The following SEMA5A variants were observed in gnomAD, a reference collection of about 807,000 sequenced individuals.
SEMA5A encodes semaphorin 5A.
In SEMA5A, 55 loss-of-function variants were observed where a neutral mutation model predicts 135.5. The observed-to-expected ratio is 0.41, with a 90% CI of 0.33 to 0.51. SEMA5A has a LOEUF of 0.51. SEMA5A is among the 20% of genes least tolerant of loss of function. SEMA5A has a pLI of 0.37. For missense variants in SEMA5A, 1,290 were observed against 1,419.9 expected (o/e 0.91, Z 1.47); for synonymous variants, 580 against 546.5 (o/e 1.06, Z -0.85).
chr5:9,443,175 T>C (rs962360198), intron 1 of SEMA5A, among the ~76,000 whole-genome samples: 3 of 152,190 alleles, frequency 2.0e-5, no homozygotes, highest in Non-Finnish European at 4.4e-5. Flanking sequence ...GGAATGTGCT[T>C]GGATAAATCG....
chr5:9,362,112 G>C (rs888099205), intron 3 of SEMA5A, among the ~76,000 whole-genome samples: 4 of 152,148 alleles, frequency 2.6e-5, no homozygotes, highest in African/African-American at 9.7e-5. Context: ...TGAATCTGCG[G>C]TTCTTTTGCG....
At chr5:9,244,256 G>A (rs1019455088) in intron 5 of SEMA5A, among the ~76,000 whole-genome samples, 1 of 152,096 alleles carries the variant, frequency 6.6e-6, no homozygotes, top group Non-Finnish European at 1.5e-5. Flanking sequence ...AAGCCCTACC[G>A]GGGCTTCCCA....
At chr5:9,068,615 C>T (rs1426796006) in intron 16 of SEMA5A, among the ~76,000 whole-genome samples, 1 of 152,146 alleles carries the variant, frequency 6.6e-6, no homozygotes, top group Non-Finnish European at 1.5e-5. Flanking sequence ...CAGGTCTAGT[C>T]CCCTTGGTGG....
chr5:9,138,409 G>A (rs986479503), intron 12 of SEMA5A, among the ~76,000 whole-genome samples: 1 of 151,938 alleles, frequency 6.6e-6, no homozygotes, highest in Non-Finnish European at 1.5e-5. Context: ...ATATAATAAT[G>A]ATATGCAATA....
intron 16 of SEMA5A, among the ~76,000 whole-genome samples, chr5:9,077,612 C>A (rs894987613): frequency 1.8e-4 from 27 of 152,154 alleles, no homozygotes; most frequent in African/African-American, 3.4e-4. Flanking sequence ...CATCATGAAC[C>A]TTTATTATGC....
chr5:9,210,880 A>G (rs1352522018), intron 8 of SEMA5A, among the ~76,000 whole-genome samples: 1 of 152,214 alleles, frequency 6.6e-6, no homozygotes, highest in Non-Finnish European at 1.5e-5. Context: ...CGGGTGGTGT[A>G]ATAACTACAA....
chr5:9,375,123 A>AT (rs1423036845), intron 3 of SEMA5A, among the ~76,000 whole-genome samples: 1 of 152,022 alleles, frequency 6.6e-6, no homozygotes, highest in African/African-American at 2.4e-5. Context: ...CTAACCTTTG[A>AT]TATATCCCCA....
chr5:9,289,370 T>C (rs1661225004), intron 5 of SEMA5A, among the ~76,000 whole-genome samples: 1 of 152,212 alleles, frequency 6.6e-6, no homozygotes, highest in Non-Finnish European at 1.5e-5. Context: ...AATTTTTAGT[T>C]TAAAAACTTC....
chr5:9,455,424 T>C (rs1333141529), intron 1 of SEMA5A, among the ~76,000 whole-genome samples: 2 of 151,746 alleles, frequency 1.3e-5, no homozygotes, highest in Non-Finnish European at 2.9e-5. Context: ...CCCAGCTAAT[T>C]TTTTTGTATT....
At chr5:9,401,372 T>G (rs746999704) in intron 2 of SEMA5A, among the ~76,000 whole-genome samples, 1 of 152,180 alleles carries the variant, frequency 6.6e-6, no homozygotes, top group Non-Finnish European at 1.5e-5. Flanking sequence ...AGACAATGTT[T>G]CCCATGGTGT....
At chr5:9,431,175 T>C (rs1402729826) in intron 2 of SEMA5A, among the ~76,000 whole-genome samples, 4 of 151,940 alleles carry the variant, frequency 2.6e-5, no homozygotes, top group African/African-American at 9.7e-5. Context: ...AGTAAGGAGG[T>C]GGCCTGCAAT....
At chr5:9,321,038 T>C (rs942842162) in intron 4 of SEMA5A, among the ~76,000 whole-genome samples, 3 of 152,086 alleles carry the variant, frequency 2.0e-5, no homozygotes, top group Non-Finnish European at 4.4e-5. Flanking sequence ...TAGGAGGTGA[T>C]TGGATCATGG....
chr5:9,366,064 A>C (rs1336753099), intron 3 of SEMA5A, among the ~76,000 whole-genome samples: 1 of 152,186 alleles, frequency 6.6e-6, no homozygotes, highest in Non-Finnish European at 1.5e-5. Context: ...AAATATTTCT[A>C]ATGGATATTC....
intron 2 of SEMA5A, among the ~76,000 whole-genome samples, chr5:9,381,066 A>C (rs1755585462): frequency 6.6e-6 from 1 of 152,224 alleles, no homozygotes; most frequent in East Asian, 1.9e-4. Flanking sequence ...CTTACAGAGT[A>C]GGTTAAGATA....
At chr5:9,138,812 C>T (rs562669112) in intron 12 of SEMA5A, among the ~76,000 whole-genome samples, 58 of 152,332 alleles carry the variant, frequency 3.8e-4, no homozygotes, top group Non-Finnish European at 7.1e-4. Flanking sequence ...TATGCCTTTG[C>T]ATCCTCATAG....
chr5:9,342,382 A>T (rs951059574), intron 3 of SEMA5A, among the ~76,000 whole-genome samples: 1 of 152,196 alleles, frequency 6.6e-6, no homozygotes, highest in Non-Finnish European at 1.5e-5. Context: ...TCCCAGGCAC[A>T]CTAAGGGCTG....
At chr5:9,145,661 T>A (rs1295283711) in intron 12 of SEMA5A, among the ~76,000 whole-genome samples, 1 of 148,198 alleles carries the variant, frequency 6.7e-6, no homozygotes, top group African/African-American at 2.5e-5. Context: ...TTTTTTTTTT[T>A]AGATGGAGTC....
At chr5:9,094,343 C>G (rs1175147801) in intron 16 of SEMA5A, among the ~76,000 whole-genome samples, 1 of 152,174 alleles carries the variant, frequency 6.6e-6, no homozygotes, top group South Asian at 2.1e-4. Flanking sequence ...TGAGATCACA[C>G]CAAGCATTAG....
intron 1 of SEMA5A, among the ~76,000 whole-genome samples, chr5:9,496,308 G>C (rs1735299441): frequency 6.6e-6 from 1 of 152,188 alleles, no homozygotes; most frequent in Non-Finnish European, 1.5e-5. Flanking sequence ...GCCTCCCAAA[G>C]TGCTGGGATT....
Sources: allele counts gnomAD v4.1 joint callset (sites outside exome capture counted in the v4.1 genomes callset), GRCh38; gene constraint gnomAD v4.1.1; transcripts MANE v1.5; gene names NCBI Gene and HGNC (gene_info 2026-07-23, HGNC 2026-07-21).